VPS33B: variants seen among roughly 807,000 people sequenced by gnomAD.
The protein encoded by VPS33B is vacuolar protein sorting-associated protein 33B.
A neutral mutation model predicts 95.3 loss-of-function variants in VPS33B; 80 were observed. The ratio of observed to expected loss-of-function variants is 0.84; its 90% CI spans 0.70 to 1.01. VPS33B has a LOEUF of 1.01. VPS33B is among the 50% of genes least tolerant of loss of function. The probability of loss-of-function intolerance (pLI) is 0.00; values close to 1 mark genes in which losing one functional copy is unlikely to be tolerated. For missense variants in VPS33B, 715 were observed against 773.4 expected, an observed-to-expected ratio of 0.92 and a Z score of 0.90; for synonymous variants, 280 against 280.4, an observed-to-expected ratio of 1.00 and a Z score of 0.01.
At position 90,998,770 on chromosome 15, in the gene VPS33B, C is replaced by T. The variant is rs1007482414; in HGVS notation, c.*205G>A. ...TCGCATCTTAGCAGCATGGGTTGTA[C>T]TTCATAAACAGAAAAGAGAAATATC... On this transcript the variant is annotated 3_prime_UTR_variant, in exon 23 of 23. Coordinates refer to ENST00000333371, the MANE Select transcript of VPS33B (RefSeq NM_018668.5). The surrounding 1 kb of genome is among the most constrained non-coding windows in gnomAD (Gnocchi z 4.8). The T allele has an allele frequency of 1.5e-6, 1 of 665,988 alleles. No homozygotes were observed. The highest frequency in any genetic ancestry group is 1.8e-5 in the African/African-American group (1 of 56,200). The allele number at this position is 665,988 out of a possible 1,614,324, so 41.3% of individuals were successfully genotyped here.
At position 91,006,094 on chromosome 15, in the gene VPS33B, G is replaced by A; in HGVS notation, c.853-35C>T. The A allele has an allele frequency of 6.2e-7, 1 of 1,605,660 alleles. No homozygotes were observed. The highest frequency in any genetic ancestry group is 1.3e-5 in the African/African-American group (1 of 74,926). On this transcript the variant is annotated intron_variant, in intron 11 of 22. Transcript: ENST00000333371. This position sits in a 1 kb window ranked among gnomAD's most constrained non-coding sequence, Gnocchi z 5.4. The stretch of plus-strand genomic sequence containing the variant: ...CAGTAAGACAAGAACAGCTTACTCT[G>A]TCAGAACCATAACTTAGCAGTAGAA...
In VPS33B at chr15:91,013,654, C is replaced by A; in HGVS notation, c.357+150G>T. 1 of 851,656 alleles carries A rather than the reference C, an allele frequency of 1.2e-6. No homozygotes were observed. Among genetic ancestry groups the A allele is most frequent in the East Asian group, 2.5e-5 (1 of 40,088 alleles). The allele number at this position is 851,656 out of a possible 1,614,324, so 52.8% of individuals were successfully genotyped here. Reference sequence around the variant, plus strand: ...CCCAGACCATGAGCTAAATAAATTTCTGTTCATTATAAATTACCTAGTCTC... The same window carrying A: ...CCCAGACCATGAGCTAAATAAATTTATGTTCATTATAAATTACCTAGTCTC... On this transcript the variant is annotated intron_variant, in intron 5 of 22. Transcript: ENST00000333371. The surrounding 1 kb of genome is among the most constrained non-coding windows in gnomAD (Gnocchi z 4.5).
Position 91,005,545 on chromosome 15 carries a change from A to G in VPS33B, c.1031-91T>C. 6.3e-7 allele frequency: 1 copy of G among 1,598,958 alleles called. No individual in the cohort carries two copies. The highest frequency in any genetic ancestry group is 8.6e-7 in the Non-Finnish European group (1 of 1,166,554). On this transcript the variant is annotated intron_variant, in intron 13 of 22. Transcript: ENST00000333371. The surrounding 1 kb of genome is among the most constrained non-coding windows in gnomAD (Gnocchi z 6.4). ...AAGAATAAAAAACCTCCTAAGGCAA[A>G]ATCCGAAAGCACTTCTTCCCACTTT...
rs1485698237 is a variant in VPS33B at position 91,006,838 on chromosome 15, C to T, written c.701-109G>A. 2 of 1,586,806 alleles carry T rather than the reference C, an allele frequency of 1.3e-6. No individual in the cohort carries two copies. The highest frequency in any genetic ancestry group is 1.7e-6 in the Non-Finnish European group (2 of 1,155,930). ...CATAGGGCCAAGGACCCACGCTCCT[C>T]AAAGCTGGGATTCACAGCCCTAACT... On this transcript the variant is annotated intron_variant, in intron 9 of 22. Transcript: ENST00000333371. The surrounding 1 kb of genome is among the most constrained non-coding windows in gnomAD (Gnocchi z 5.4).
Position 91,006,141 on chromosome 15 carries a change from C to G in VPS33B, c.853-82G>C. The G allele has an allele frequency of 6.7e-7, 1 of 1,498,048 alleles. No homozygotes were observed. Among genetic ancestry groups the G allele is most frequent in the Non-Finnish European group, 9.2e-7 (1 of 1,082,458 alleles). 92.8% of individuals were successfully genotyped at this position (1,498,048 alleles called of 1,614,324 possible). ...AGAATGACAGTACAGGAAGGGTACT[C>G]AGGTGTTCTGGCAGAAATACAAAGA... is the stretch of plus-strand genomic sequence containing the variant. On this transcript the variant is annotated intron_variant, in intron 11 of 22. Coordinates refer to ENST00000333371, the MANE Select transcript of VPS33B (RefSeq NM_018668.5). This position sits in a 1 kb window ranked among gnomAD's most constrained non-coding sequence, Gnocchi z 5.4.
intron 1 of VPS33B, among the ~76,000 whole-genome samples, chr15:91,020,835 C>G (rs181578348): frequency 6.6e-6 from 1 of 152,100 alleles, no homozygotes; most frequent in Non-Finnish European, 1.5e-5. Flanking sequence ...TAGCCAAGAT[C>G]GCGCCACTGC....
In VPS33B at chr15:90,999,092, G is replaced by C. The variant is rs200099066; in HGVS notation, c.1775-38C>G. The C allele has an allele frequency of 4.7e-5, 75 of 1,606,896 alleles. No homozygotes were observed. In the African/African-American group the frequency reaches 9.1e-4, roughly 19 times the overall value. Reference sequence around the variant, plus strand: ...ATGCAGCAGCAGAAGAGACAGCACAGATCTTAGGCCCCAACGGCAACCCAT... The same window carrying C: ...ATGCAGCAGCAGAAGAGACAGCACACATCTTAGGCCCCAACGGCAACCCAT... On this transcript the variant is annotated intron_variant, in intron 22 of 22. Coordinates refer to ENST00000333371, the MANE Select transcript of VPS33B (RefSeq NM_018668.5). The surrounding 1 kb of genome is among the most constrained non-coding windows in gnomAD (Gnocchi z 5.1).
chr15:91,022,521 C>G lies in VPS33B; in HGVS notation c.-272G>C. The stretch of plus-strand genomic sequence containing the variant: ...ATCCACTCTGCCCGTCAGCAGGATT[C>G]CGGTCTACACCCCGCAGAGACTCCG... On this transcript the variant is annotated 5_prime_UTR_variant, in exon 1 of 23. Coordinates refer to ENST00000333371, the MANE Select transcript of VPS33B (RefSeq NM_018668.5). 1 of 338,086 alleles carries G rather than the reference C, an allele frequency of 3.0e-6. No individual in the cohort carries two copies. The highest frequency in any genetic ancestry group is 5.4e-6 in the Non-Finnish European group (1 of 185,666). 20.9% of individuals were successfully genotyped at this position (338,086 alleles called of 1,614,324 possible).
intron 3 of VPS33B, among the ~76,000 whole-genome samples, chr15:91,016,025 C>T (rs1219135954): frequency 2.6e-5 from 4 of 151,858 alleles, no homozygotes; most frequent in African/African-American, 2.4e-5. Flanking sequence ...ACATGCCGAG[C>T]GAACAGGACA....
rs1484564805 is a variant in VPS33B at position 91,018,089 on chromosome 15, A to G, written c.97-204T>C. On this transcript the variant is annotated intron_variant, in intron 1 of 22. Coordinates refer to ENST00000333371, the MANE Select transcript of VPS33B (RefSeq NM_018668.5). This position sits in a 1 kb window ranked among gnomAD's most constrained non-coding sequence, Gnocchi z 4.7. ...CCTATTTTGCCTTCTCGTTTTCTGT[A>G]CCAGTGGGAAGAAGACATCCCACCT... The G allele has an allele frequency of 3.4e-6, 2 of 585,096 alleles. No homozygotes were observed. Among genetic ancestry groups the G allele is most frequent in the African/African-American group, 3.7e-5 (2 of 53,930 alleles). 36.2% of individuals were successfully genotyped at this position (585,096 alleles called of 1,614,324 possible). A position where few individuals can be genotyped will look rare whatever the true frequency, so the allele number is the denominator to read the frequency against.
In VPS33B at chr15:90,999,745, A is replaced by G; in HGVS notation, c.1706T>C (p.Leu569Ser). 1 of 1,614,002 alleles carries G rather than the reference A, an allele frequency of 6.2e-7. No individual in the cohort carries two copies. The highest frequency in any genetic ancestry group is 8.5e-7 in the Non-Finnish European group (1 of 1,179,974). ...TGTACAACCACCCAAGAACACCACC[A>G]AGATGAGGCGCAGGGACTCACTGGA... ...KASSESLRLI[L>S]VVFLGGCTFS... The change falls in exon 22 of 23, where the codon TTG becomes TCG. Residue 569 changes from leucine (L) to serine (S), a missense_variant. Physicochemically the swap from Leu to Ser is moderately radical, Grantham distance 145. Coordinates refer to ENST00000333371, the MANE Select transcript of VPS33B (RefSeq NM_018668.5). The surrounding 1 kb of genome is among the most constrained non-coding windows in gnomAD (Gnocchi z 5.1).
chr15:91,015,841 AAATTT>A lies in VPS33B; in HGVS notation c.239+1117_239+1121del, dbSNP rs2040908861. Among the ~76,000 whole-genome samples, 1 of 152,054 alleles carries A rather than the reference AAATTT, an allele frequency of 6.6e-6. No homozygotes were observed. The highest frequency in any genetic ancestry group is 2.4e-5 in the African/African-American group (1 of 41,424). ...TGAGACCCTGTCTCTGAAAATAAAT[AAATTT>A]AATTAAAAAAATTTAAATATAAGAA... On this transcript the variant is annotated intron_variant, in intron 3 of 22. Coordinates refer to ENST00000333371, the MANE Select transcript of VPS33B (RefSeq NM_018668.5). The surrounding 1 kb of genome is among the most constrained non-coding windows in gnomAD (Gnocchi z 4.7).
rs1379545633 is a variant in VPS33B, at chr15:91,002,459, C to T, written c.1273-277G>A. ...CAGCCTGGCCAACATGGTGAAACCC[C>T]ATCTCTACTAAAAATACAAAAATTA... is the stretch of plus-strand genomic sequence containing the variant. On this transcript the variant is annotated intron_variant, in intron 17 of 22. Transcript: ENST00000333371. This position sits in a 1 kb window ranked among gnomAD's most constrained non-coding sequence, Gnocchi z 4.7. Among the ~76,000 whole-genome samples the T allele has an allele frequency of 1.3e-5, 2 of 151,848 alleles. No homozygotes were observed. The highest frequency in any genetic ancestry group is 4.8e-5 in the African/African-American group (2 of 41,334).
intron 3 of VPS33B, 88 bp downstream of exon 3, chr15:91,016,875 T>G: frequency 7.9e-7 from 1 of 1,270,862 alleles, no homozygotes; most frequent in South Asian, 1.2e-5. Context: ...GTGAACCATA[T>G]ATCTCAGCCA....
Position 91,007,797 on chromosome 15 carries a change from G to A in VPS33B, c.498+73C>T, listed in dbSNP as rs1262710878. 1 of 1,402,744 alleles carries A rather than the reference G, an allele frequency of 7.1e-7. No homozygotes were observed. Among genetic ancestry groups the A allele is most frequent in the South Asian group, 1.2e-5 (1 of 86,584 alleles). 86.9% of individuals were successfully genotyped at this position (1,402,744 alleles called of 1,614,324 possible). On this transcript the variant is annotated intron_variant, in intron 7 of 22. Transcript: ENST00000333371. This position sits in a 1 kb window ranked among gnomAD's most constrained non-coding sequence, Gnocchi z 5.3. ...CTTGCGTTGGACAAAGGTTATATTG[G>A]TATTTCTAGCCCTCTGCATCCCACA...
rs117868052 is a variant in VPS33B, at chr15:91,011,851, C to T, written c.357+1953G>A. Among the ~76,000 whole-genome samples the T allele has an allele frequency of 0.011, 1,648 of 152,040 alleles. 27 individuals are homozygous for T. Among genetic ancestry groups the T allele is most frequent in the African/African-American group, 0.034 (1,427 of 41,442 alleles). ...AAAAATATAAAAAATTAGCCACGCA[C>T]GGTGGTGCACATCTGTAGTCCCAGC... On this transcript the variant is annotated intron_variant, in intron 5 of 22. Transcript: ENST00000333371. This position sits in a 1 kb window ranked among gnomAD's most constrained non-coding sequence, Gnocchi z 5.5.
chr15:91,007,659 G>A lies in VPS33B; in HGVS notation c.499-86C>T, dbSNP rs900178862. 13 of 1,439,594 alleles carry A rather than the reference G, an allele frequency of 9.0e-6. No homozygotes were observed. The highest frequency in any genetic ancestry group is 2.8e-5 in the African/African-American group (2 of 71,330). 89.2% of individuals were successfully genotyped at this position (1,439,594 alleles called of 1,614,324 possible). Reference sequence around the variant, plus strand: ...GGCTAGCCCTAGAAGCCCTGGAGCAGGGTGGCAGGGCCTGGGGGATGCTTG... The same window carrying A: ...GGCTAGCCCTAGAAGCCCTGGAGCAAGGTGGCAGGGCCTGGGGGATGCTTG... On this transcript the variant is annotated intron_variant, in intron 7 of 22. Coordinates refer to ENST00000333371, the MANE Select transcript of VPS33B (RefSeq NM_018668.5). This position sits in a 1 kb window ranked among gnomAD's most constrained non-coding sequence, Gnocchi z 5.3.
chr15:91,007,723 C>G lies in VPS33B; in HGVS notation c.498+147G>C, dbSNP rs3743447. On this transcript the variant is annotated intron_variant, in intron 7 of 22. Coordinates refer to ENST00000333371, the MANE Select transcript of VPS33B (RefSeq NM_018668.5). This position sits in a 1 kb window ranked among gnomAD's most constrained non-coding sequence, Gnocchi z 5.3. ...GGCTCCACAGGAAGTCCCACAGAGA[C>G]CAATCTGTAGCACTCAATCACCACA... 256,994 of 1,154,718 alleles carry G rather than the reference C, an allele frequency of 0.22. 33,516 individuals carry two copies. Among genetic ancestry groups the G allele is most frequent in the East Asian group, 0.5 (21,303 of 42,672 alleles). The allele number at this position is 1,154,718 out of a possible 1,614,324, so 71.5% of individuals were successfully genotyped here.
At chr15:91,004,458 C>G (rs369089210) in intron 16 of VPS33B, among the ~76,000 whole-genome samples, 1 of 151,996 alleles carries the variant, frequency 6.6e-6, no homozygotes, top group East Asian at 1.9e-4. Flanking sequence ...GAGCCGAGAT[C>G]GCACCACTGT....
Sources: gnomAD v4.1 joint callset for allele counts (sites outside exome capture counted in the v4.1 genomes callset) on GRCh38, gnomAD v4.1.1 for gene constraint, Gnocchi (gnomAD v3.1) non-coding constraint, MANE v1.5 for transcripts, NCBI Gene and HGNC (gene_info 2026-07-23, HGNC 2026-07-21) for gene names.